Variants in MED23 observed in about 807,000 individuals in gnomAD.
The protein encoded by MED23 is mediator of RNA polymerase II transcription subunit 23.
Under a neutral mutation model 163.9 loss-of-function variants are expected in MED23, and 105 were observed. The ratio of observed to expected loss-of-function variants is 0.64; its 90% CI spans 0.55 to 0.75. The LOEUF (loss-of-function observed/expected upper bound fraction) is 0.75. MED23 is among the 30% of genes least tolerant of loss of function. The pLI is 0.00. For missense variants in MED23, 1,054 were observed against 1,649.0 expected, an observed-to-expected ratio of 0.64 and a Z score of 6.25; for synonymous variants, 561 against 565.6, an observed-to-expected ratio of 0.99 and a Z score of 0.12.
At chr6:131,622,017 G>T in intron 5 of MED23, 38 bp from the exon 6 acceptor site, 1 of 1,427,292 alleles carries the variant, frequency 7.0e-7, no homozygotes, top group Non-Finnish European at 9.9e-7. Flanking sequence ...AAATTAAGTA[G>T]TGTCTACTGT....
Position 131,620,717 on chromosome 6 carries a change from T to C in MED23, c.508A>G (p.Ile170Val). The change falls in exon 7 of 29, where the codon ATC becomes GTC. Residue 170 changes from isoleucine to valine, a missense_variant. Physicochemically the swap from Ile to Val is conservative, Grantham distance 29. Coordinates refer to ENST00000368068, the MANE Select transcript of MED23 (RefSeq NM_004830.4). Reference sequence around the variant, plus strand: ...AATAAGCAGGCATTTCTTTCCAAGATATATGCTATAACCTAAGAAAAACAA... The same window carrying C: ...AATAAGCAGGCATTTCTTTCCAAGACATATGCTATAACCTAAGAAAAACAA... The part of the protein sequence containing the change: ...LLAAREVIAY[I>V]LERNACLLPA... 1 of 1,610,534 alleles carries C rather than the reference T, an allele frequency of 6.2e-7. No homozygotes were observed.
intron 28 of MED23, 107 bp from the exon 29 acceptor site, chr6:131,587,953 G>C: frequency 1.1e-6 from 1 of 935,108 alleles, no homozygotes; most frequent in Non-Finnish European, 1.7e-6. Flanking sequence ...AAGGAGTGTC[G>C]TGGGGTAGAT....
At position 131,596,077 on chromosome 6, in the gene MED23, A is replaced by G; in HGVS notation, c.2865T>C (p.Tyr955=). Residue 955 remains tyrosine (Y), a synonymous_variant, in exon 22 of 29, where the codon TAT becomes TAC. Transcript: ENST00000368068. ...VQIQSPYLPI[Y]FGNVCLRFLP... ...GGAATCGAAGACACACATTCCCAAA[A>G]TAGATGGGCAGATAGGGAGACTGGA... The G allele has an allele frequency of 1.2e-6, 2 of 1,614,128 alleles. No individual in the cohort carries two copies. Among genetic ancestry groups the G allele is most frequent in the Non-Finnish European group, 1.7e-6 (2 of 1,180,004 alleles).
chr6:131,619,704 T>TA, intron 8 of MED23, 123 bp downstream of exon 8: 1 of 743,116 alleles, frequency 1.3e-6, no homozygotes, highest in Non-Finnish European at 2.4e-6. Context: ...ATTAAGCTCT[T>TA]AGAGAGTCAC....
At position 131,594,351 on chromosome 6, in the gene MED23, C is replaced by T; in HGVS notation, c.2996-16G>A. Reference sequence around the variant, plus strand: ...ACTGGACGATCTGCCAAGAAAAAAACATACCACCACAATGTTTAACTGGTT... The same window carrying T: ...ACTGGACGATCTGCCAAGAAAAAAATATACCACCACAATGTTTAACTGGTT... On this transcript the variant is annotated splice_polypyrimidine_tract_variant and intron_variant, in intron 22 of 28. Coordinates refer to ENST00000368068, the MANE Select transcript of MED23 (RefSeq NM_004830.4). The T allele has an allele frequency of 6.4e-7, 1 of 1,557,430 alleles. No individual in the cohort carries two copies. Among genetic ancestry groups the T allele is most frequent in the Non-Finnish European group, 8.9e-7 (1 of 1,128,526 alleles).
Position 131,628,147 on chromosome 6 carries a change from G to A in MED23, c.-98C>T. 3 of 1,416,986 alleles carry A rather than the reference G, an allele frequency of 2.1e-6. No individual in the cohort carries two copies. The highest frequency in any genetic ancestry group is 4.6e-5 in the East Asian group (2 of 43,954). The allele number at this position is 1,416,986 out of a possible 1,614,324, so 87.8% of individuals were successfully genotyped here. ...GGCAGAGGGGCGGAGACCTCTGGAG[G>A]AAACCGTAGCTCCTCGGCGTCGCTT... On this transcript the variant is annotated 5_prime_UTR_variant, in exon 1 of 29. Coordinates refer to ENST00000368068, the MANE Select transcript of MED23 (RefSeq NM_004830.4).
At chr6:131,610,353 G>A in intron 10 of MED23, 107 bp from the exon 11 acceptor site, 1 of 1,075,404 alleles carries the variant, frequency 9.3e-7, no homozygotes, top group East Asian at 2.6e-5. Flanking sequence ...AGCACGGAAT[G>A]AAGTTGAACT....
At chr6:131,625,045 A>G in intron 3 of MED23, 56 bp from the exon 4 acceptor site, 1 of 1,541,360 alleles carries the variant, frequency 6.5e-7, no homozygotes, top group Non-Finnish European at 8.9e-7. Flanking sequence ...TTTATAACCA[A>G]TAGCTAATAC....
intron 9 of MED23, among the ~76,000 whole-genome samples, chr6:131,616,709 A>C (rs1284559715): frequency 6.6e-6 from 1 of 152,146 alleles, no homozygotes; most frequent in Non-Finnish European, 1.5e-5. Flanking sequence ...AGTCTCGGCT[A>C]CTCAGGAGGC....
At position 131,620,369 on chromosome 6, in the gene MED23, C is replaced by A. The variant is rs1323176672; in HGVS notation, c.597+259G>T. Among the ~76,000 whole-genome samples, 3 of 152,234 alleles carry A rather than the reference C, an allele frequency of 2.0e-5. No homozygotes were observed. The East Asian group carries it at 5.8e-4, about 29-fold the overall frequency. ...TGGTGTGATCACAGCTCACTGCAGC[C>A]TCAAACTCCTGGTTTCAAGTAATCC... On this transcript the variant is annotated intron_variant, in intron 7 of 28. Coordinates refer to ENST00000368068, the MANE Select transcript of MED23 (RefSeq NM_004830.4).
At chr6:131,593,507 C>T (rs1002550806) in intron 23 of MED23, among the ~76,000 whole-genome samples, 12 of 151,992 alleles carry the variant, frequency 7.9e-5, no homozygotes, top group Admixed American at 2.6e-4. Context: ...CATTCTTTTG[C>T]TTCAGAAAAT....
In MED23 at chr6:131,624,967, T is replaced by A; in HGVS notation, c.182A>T (p.Gln61Leu). ...ACCATGAATAAACTTAACAATCCAC[T>A]GGATACACTGTTCATGAGACTCCTG... The part of the protein sequence containing the change: ...LSQESHEQCI[Q>L]WIVKFIHGQH... Residue 61 changes from glutamine to leucine, a missense_variant, in exon 4 of 29, where the codon CAG (glutamine) becomes CTG (leucine). Coordinates refer to ENST00000368068, the MANE Select transcript of MED23 (RefSeq NM_004830.4). 1 of 1,613,766 alleles carries A rather than the reference T, an allele frequency of 6.2e-7. No homozygotes were observed.
exon 31 of MED23, chr6:131,574,237 C>G (rs1174040612): frequency 1.2e-5 from 19 of 1,607,922 alleles, no homozygotes; most frequent in Non-Finnish European, 1.6e-5. Context: ...TTCTCAGGAT[C>G]TGGGCAGCGT....
exon 31 of MED23, chr6:131,574,044 T>C: frequency 1.8e-6 from 1 of 549,352 alleles, no homozygotes; most frequent in South Asian, 2.3e-5. Context: ...AATCCACACA[T>C]GCCAGCAACA....
At chr6:131,616,129 G>C in intron 9 of MED23, 127 bp from the exon 10 acceptor site, 2 of 751,396 alleles carry the variant, frequency 2.7e-6, no homozygotes, top group Non-Finnish European at 4.5e-6. Flanking sequence ...GTATCTAGTG[G>C]GAAAAAAATC....
chr6:131,590,303 A>G lies in MED23; in HGVS notation c.3807+19T>C. Reference sequence around the variant, plus strand: ...TTCAGAATTTAATCATGTCACAGGAAACCCAGATTATATTTTACCTCTATC... The same window carrying G: ...TTCAGAATTTAATCATGTCACAGGAGACCCAGATTATATTTTACCTCTATC... On this transcript the variant is annotated intron_variant, in intron 27 of 28. Transcript: ENST00000368068. The G allele has an allele frequency of 1.2e-6, 2 of 1,607,906 alleles. No individual in the cohort carries two copies. Among genetic ancestry groups the G allele is most frequent in the Non-Finnish European group, 1.7e-6 (2 of 1,175,156 alleles).
chr6:131,625,850 CGG>C (rs1337213100), intron 3 of MED23, among the ~76,000 whole-genome samples: 1 of 151,906 alleles, frequency 6.6e-6, no homozygotes, highest in African/African-American at 2.4e-5. Context: ...CAGCCGGGCG[CGG>C]TGGCTCATGC....
Position 131,608,051 on chromosome 6 carries a change from A to G in MED23, c.1098T>C (p.Ile366=), listed in dbSNP as rs1234767574. The change falls in exon 12 of 29, where the codon ATT becomes ATC. Residue 366 remains isoleucine, a synonymous_variant. Transcript: ENST00000368068. ...CCCACATAAGATGATCTCTGCCTTT[A>G]ATCAGTCCTCGCCCTGCTAACTATA... The part of the protein sequence containing the change: ...LHQKLAGRGL[I]KGRDHLMWVL... 1 of 1,613,748 alleles carries G rather than the reference A, an allele frequency of 6.2e-7. No homozygotes were observed. The highest frequency in any genetic ancestry group is 8.5e-7 in the Non-Finnish European group (1 of 1,179,894).
chr6:131,623,236 T>C, intron 5 of MED23, 115 bp downstream of exon 5: 2 of 884,628 alleles, frequency 2.3e-6, no homozygotes, highest in East Asian at 2.6e-5. Flanking sequence ...CCACAAGAAA[T>C]AGACAGATTT....
Sources: allele counts gnomAD v4.1 joint callset (sites outside exome capture counted in the v4.1 genomes callset), GRCh38; gene constraint gnomAD v4.1.1; transcripts MANE v1.5; gene names NCBI Gene and HGNC (gene_info 2026-07-23, HGNC 2026-07-21).